Variants in TRIM61 observed in about 807,000 individuals in gnomAD.
TRIM61 encodes putative tripartite motif-containing protein 61.
In TRIM61, 1 loss-of-function variant was observed where a neutral mutation model predicts 14.2. The ratio of observed to expected loss-of-function variants is 0.07; its 90% CI spans 0.03 to 0.33. The LOEUF (loss-of-function observed/expected upper bound fraction) is 0.33, where lower values mean the gene tolerates loss of function less well. Among genes scored for constraint, TRIM61 ranks in the 10% least tolerant of loss-of-function variants. The pLI, the probability that TRIM61 is intolerant of heterozygous loss-of-function variation, is 0.99. For synonymous variants in TRIM61, 8 were observed against 71.6 expected (o/e 0.11, Z 4.49); for missense variants, 19 against 202.2 (o/e 0.09, Z 5.49).
At chr4:164,975,560 G>A (rs1265304495) in intron 2 of TRIM61, among the ~76,000 whole-genome samples, 1 of 151,904 alleles carries the variant, frequency 6.6e-6, no homozygotes, top group Non-Finnish European at 1.5e-5. Flanking sequence ...ATAAAATCAA[G>A]GTTTAAGGGA....
At chr4:164,962,051 G>A (rs147023754) in intron 3 of TRIM61, among the ~76,000 whole-genome samples, 7 of 152,186 alleles carry the variant, frequency 4.6e-5, no homozygotes, top group Admixed American at 6.6e-5. Context: ...AAAAAGTTCC[G>A]TAAAAATAGT....
rs373794548 is a variant in TRIM61 at position 164,968,164 on chromosome 4, A to AAAAAG, written c.525+1309_525+1313dup. ...AAAGGGGAGGGGAGGGGAGAAGAGG[A>AAAAAG]AAAAGAAAAGAAAAGAAAAAGAAAA... is the stretch of plus-strand genomic sequence containing the variant. On this transcript the variant is annotated intron_variant, in intron 3 of 4. Coordinates refer to ENST00000329314, the MANE Select transcript of TRIM61 (RefSeq NM_001012414.3). The AAAAAG allele has an allele frequency of 4.0e-5, 39 of 985,032 alleles. No individual in the cohort carries two copies. The African/African-American group carries it at 6.3e-4, about 16-fold the overall frequency. The allele number at this position is 985,032 out of a possible 1,614,324, so 61.0% of individuals were successfully genotyped here.
chr4:164,965,202 C>T (rs187110152), intron 3 of TRIM61, among the ~76,000 whole-genome samples: 2 of 152,184 alleles, frequency 1.3e-5, no homozygotes, highest in East Asian at 3.9e-4. Context: ...GCGTGAGAGT[C>T]GCTTGAATCC....
chr4:164,969,286 G>T (rs1732307508), intron 3 of TRIM61: 1 of 1,459,362 alleles, frequency 6.9e-7, no homozygotes, highest in Non-Finnish European at 9.0e-7. Context: ...TCACATATAT[G>T]CTCTCTATCT....
At chr4:164,963,042 A>C (rs773285879) in intron 3 of TRIM61, among the ~76,000 whole-genome samples, 4 of 152,218 alleles carry the variant, frequency 2.6e-5, no homozygotes, top group Non-Finnish European at 5.9e-5. Flanking sequence ...TGTATAAAAT[A>C]AGTTAATAGA....
chr4:164,964,357 A>G (rs1379175415), intron 3 of TRIM61, among the ~76,000 whole-genome samples: 6 of 151,708 alleles, frequency 4.0e-5, no homozygotes, highest in Non-Finnish European at 5.9e-5. Context: ...CAAAAAAAAA[A>G]AAAAGAAAAG....
Position 164,967,189 on chromosome 4 carries a change from T to C in TRIM61, c.525+2289A>G, listed in dbSNP as rs368326672. Among the ~76,000 whole-genome samples, 5 of 151,986 alleles carry C rather than the reference T, an allele frequency of 3.3e-5. No individual in the cohort carries two copies. In the East Asian group the frequency reaches 9.6e-4, roughly 29 times the overall value. On this transcript the variant is annotated intron_variant, in intron 3 of 4. Transcript: ENST00000329314. ...ACTTAAGGACAAATCTGACAAAACA[T>C]GTTAAATAACACGTACACTAAAAAC... is the stretch of plus-strand genomic sequence containing the variant.
chr4:164,957,090 G>T (rs1256647503), intron 3 of TRIM61: 1 of 1,558,844 alleles, frequency 6.4e-7, no homozygotes, highest in East Asian at 2.4e-5. Flanking sequence ...TGGAGAGCCA[G>T]CCCTGCAGGG....
chr4:164,960,554 CAA>C (rs70952670), intron 3 of TRIM61, among the ~76,000 whole-genome samples: 68 of 127,736 alleles, frequency 5.3e-4, no homozygotes, highest in Admixed American at 6.1e-4. Context: ...GACTCTGTCT[CAA>C]AAAAAAAAAA....
At chr4:164,971,311 G>A (rs1360259395) in intron 2 of TRIM61, among the ~76,000 whole-genome samples, 1 of 152,106 alleles carries the variant, frequency 6.6e-6, no homozygotes, top group East Asian at 1.9e-4. Context: ...AAAATGTGTA[G>A]CCGAGTGCGG....
intron 3 of TRIM61, among the ~76,000 whole-genome samples, chr4:164,956,329 G>A (rs764390452): frequency 3.9e-5 from 6 of 152,208 alleles, no homozygotes; most frequent in Admixed American, 1.3e-4. Context: ...GCCTACCAAA[G>A]TGCTGGGATT....
intron 3 of TRIM61, among the ~76,000 whole-genome samples, chr4:164,961,991 C>T (rs148940641): frequency 9.4e-4 from 143 of 152,152 alleles, no homozygotes; most frequent in Admixed American, 1.4e-3. Flanking sequence ...CTGTACAGCA[C>T]GTTACTGTAC....
At chr4:164,971,371 C>A (rs1732361300) in intron 2 of TRIM61, among the ~76,000 whole-genome samples, 1 of 152,100 alleles carries the variant, frequency 6.6e-6, no homozygotes, top group Non-Finnish European at 1.5e-5. Flanking sequence ...GTGGGCAGAT[C>A]ACCTGAGGTC....
intron 3 of TRIM61, chr4:164,957,358 A>G: frequency 6.2e-7 from 1 of 1,614,046 alleles, no homozygotes. Flanking sequence ...CGAAATTGCC[A>G]GGCCACTCCA....
At chr4:164,965,095 C>T (rs1044805641) in intron 3 of TRIM61, among the ~76,000 whole-genome samples, 3 of 152,164 alleles carry the variant, frequency 2.0e-5, no homozygotes, top group African/African-American at 7.2e-5. Flanking sequence ...TGAGACCAGC[C>T]TGGCCAACAT....
At chr4:164,971,035 A>G (rs1732353119) in intron 2 of TRIM61, among the ~76,000 whole-genome samples, 1 of 152,142 alleles carries the variant, frequency 6.6e-6, no homozygotes, top group Non-Finnish European at 1.5e-5. Flanking sequence ...CGGGAGGCAG[A>G]TGTGGCAGTG....
chr4:164,971,960 GCT>G (rs1217054092), intron 2 of TRIM61, among the ~76,000 whole-genome samples: 2 of 152,118 alleles, frequency 1.3e-5, no homozygotes, highest in Admixed American at 6.6e-5. Context: ...TGTGAAACTG[GCT>G]CTGTCTTGGT....
intron 3 of TRIM61, chr4:164,956,963 T>G: frequency 1.9e-5 from 27 of 1,423,382 alleles, no homozygotes; most frequent in Non-Finnish European, 2.3e-5. Context: ...GACTTCCGGG[T>G]GAGACCGTGA....
intron 3 of TRIM61, among the ~76,000 whole-genome samples, chr4:164,961,684 C>CAA (rs987494937): frequency 1.3e-5 from 2 of 150,920 alleles, no homozygotes; most frequent in African/African-American, 4.9e-5. Flanking sequence ...AAACACACAC[C>CAA]AAAAAAACCC....
Sources: allele counts gnomAD v4.1 joint callset (sites outside exome capture counted in the v4.1 genomes callset), GRCh38; gene constraint gnomAD v4.1.1; transcripts MANE v1.5; gene names NCBI Gene and HGNC (gene_info 2026-07-23, HGNC 2026-07-21).